Variants in ZNF208 observed in about 807,000 individuals in gnomAD.
ZNF208 encodes zinc finger protein 95.
ZNF208 carries 10 observed loss-of-function variants against 12.1 expected under a neutral mutation model. That is an observed-to-expected ratio of 0.83 (90% CI 0.51 to 1.40). The LOEUF is 1.40. Among genes scored for constraint, ZNF208 ranks in the 40% most tolerant of loss-of-function variants. The pLI, the probability that ZNF208 is intolerant of heterozygous loss-of-function variation, is 0.00. For synonymous variants in ZNF208, 497 were observed against 488.4 expected (o/e 1.02, Z -0.23); for missense variants, 1,652 against 1,485.0 (o/e 1.11, Z -1.85).
chr19:21,985,241 C>G (rs1011071665), intron 3 of ZNF208, among the ~76,000 whole-genome samples: 3 of 152,086 alleles, frequency 2.0e-5, no homozygotes, highest in African/African-American at 7.2e-5. Flanking sequence ...TTGCTTAACC[C>G]CCAACAGCAA....
In ZNF208 at chr19:21,968,322, G is replaced by C. The variant is rs1970208982; in HGVS notation, c.*2869C>G. Reference sequence around the variant, plus strand: ...AATGCTTCCAGTTTTTGCTCTTTTAGTATGATGTTGGCTAAGGATTTGTCA... The same window carrying C: ...AATGCTTCCAGTTTTTGCTCTTTTACTATGATGTTGGCTAAGGATTTGTCA... On this transcript the variant is annotated 3_prime_UTR_variant, in exon 4 of 4. Coordinates refer to ENST00000397126, the MANE Select transcript of ZNF208 (RefSeq NM_007153.3). The C allele has an allele frequency of 6.6e-6, 1 of 151,932 alleles. No homozygotes were observed. The highest frequency in any genetic ancestry group is 6.6e-5 in the Admixed American group (1 of 15,238). 9.4% of individuals were successfully genotyped at this position (151,932 alleles called of 1,614,324 possible). A position where few individuals can be genotyped will look rare whatever the true frequency, so the allele number is the denominator to read the frequency against.
intron 2 of ZNF208, among the ~76,000 whole-genome samples, chr19:21,988,408 T>A (rs1400982432): frequency 6.6e-6 from 1 of 152,104 alleles, no homozygotes; most frequent in Non-Finnish European, 1.5e-5. Context: ...TGGGCAAACT[T>A]GCTTCTGCTC....
At chr19:21,957,040 T>C (rs981947307) in intron 4 of ZNF208, among the ~76,000 whole-genome samples, 12 of 151,926 alleles carry the variant, frequency 7.9e-5, no homozygotes, top group Non-Finnish European at 1.8e-4. Context: ...AAAATCCATT[T>C]TCTATTTTTG....
intron 3 of ZNF208, 129 bp from the exon 4 acceptor site, chr19:21,974,936 A>C: frequency 6.2e-6 from 7 of 1,121,092 alleles, no homozygotes; most frequent in Non-Finnish European, 6.0e-6. Flanking sequence ...ACAGGCCCTA[A>C]TTCTTCATAG....
rs201532091 is a variant in ZNF208 at position 21,995,412 on chromosome 19, AC to A, written c.4-6504del. On this transcript the variant is annotated intron_variant, in intron 1 of 3. Transcript: ENST00000397126. ...TTCTTGTATAACGGGTGAAACAAAC[AC>A]GAGATGACTCATTTCTCTCACACTG... Among the ~76,000 whole-genome samples, 18 of 152,266 alleles carry A rather than the reference AC, an allele frequency of 1.2e-4. No individual in the cohort carries two copies. In the East Asian group the frequency reaches 3.3e-3, roughly 28 times the overall value.
intron 1 of ZNF208, among the ~76,000 whole-genome samples, chr19:21,999,014 ATTTTATAGCAT>A (rs1411054224): frequency 6.8e-6 from 1 of 146,228 alleles, no homozygotes; most frequent in African/African-American, 2.8e-5. Context: ...TTATGCTATA[ATTTTATAGCAT>A]AATTTTATGC....
chr19:21,953,748 A>T (rs898518278), intron 4 of ZNF208, among the ~76,000 whole-genome samples: 3 of 152,018 alleles, frequency 2.0e-5, no homozygotes, highest in Non-Finnish European at 4.4e-5. Flanking sequence ...GAAACCATCA[A>T]TTATCAGGCA....
At position 22,008,163 on chromosome 19, in the gene ZNF208, T is replaced by G. The variant is rs8111955; in HGVS notation, c.3+2629A>C. 6.6e-5 allele frequency among the ~76,000 whole-genome samples: 10 copies of G among 150,832 alleles called. No individual in the cohort carries two copies. In the East Asian group the frequency reaches 2.0e-3, roughly 29 times the overall value. On this transcript the variant is annotated intron_variant, in intron 1 of 3. Coordinates refer to ENST00000397126, the MANE Select transcript of ZNF208 (RefSeq NM_007153.3). Reference sequence around the variant, plus strand: ...ACCACAAATACAAAAATTAGCCGGGTGTGGTGGTGCACACCTGTAGTCCCA... The same window carrying G: ...ACCACAAATACAAAAATTAGCCGGGGGTGGTGGTGCACACCTGTAGTCCCA...
chr19:21,969,747 A>G lies in ZNF208; in HGVS notation c.*1444T>C, dbSNP rs1232040209. Among the ~76,000 whole-genome samples the G allele has an allele frequency of 1.4e-5, 1 of 69,212 alleles. No individual in the cohort carries two copies. Among genetic ancestry groups the G allele is most frequent in the African/African-American group, 3.4e-5 (1 of 29,480 alleles). The allele number at this position is 69,212 out of a possible 152,430, so 45.4% of individuals were successfully genotyped here. ...CAAGTACATGTACTACAACCCTCTT[A>G]ATATTTATAATGTGTTTCCTCAAAA... On this transcript the variant is annotated 3_prime_UTR_variant, in exon 4 of 4. Transcript: ENST00000397126.
At chr19:21,974,873 C>A in intron 3 of ZNF208, 66 bp from the exon 4 acceptor site, 1 of 1,436,632 alleles carries the variant, frequency 7.0e-7, no homozygotes, top group South Asian at 1.6e-5. Flanking sequence ...GTTTCTAAAT[C>A]TAAACTATAA....
chr19:21,971,858 C>T lies in ZNF208; in HGVS notation c.3176G>A (p.Cys1059Tyr), dbSNP rs750325706. Residue 1059 changes from cysteine to tyrosine, a missense_variant, in exon 4 of 4, where the codon TGT becomes TAT. Cys to Tyr is a radical substitution (Grantham distance 194, BLOSUM62 -2). Around this residue, in one of 3 missense-constraint regions of ZNF208, gnomAD observed 1,239 missense variants for 1,086.2 expected, o/e 1.14. Transcript: ENST00000397126. Reference sequence around the variant, plus strand: ...GCTGAAGGCTTTGCCACATTCTTCACATTTGTAGGGTTTTTCTCCAGCATG... The same window carrying T: ...GCTGAAGGCTTTGCCACATTCTTCATATTTGTAGGGTTTTTCTCCAGCATG... The part of the protein sequence containing the change: ...ATHAGEKPYK[C>Y]EECGKAFSWP... 6.8e-5 allele frequency: 109 copies of T among 1,612,984 alleles called. No homozygotes were observed. The highest frequency in any genetic ancestry group is 9.0e-5 in the Non-Finnish European group (106 of 1,179,606).
At chr19:21,989,050 C>T in intron 1 of ZNF208, 141 bp from the exon 2 acceptor site, 1 of 1,154,194 alleles carries the variant, frequency 8.7e-7, no homozygotes, top group African/African-American at 1.6e-5. Flanking sequence ...TAATTTTTAA[C>T]ACAAATATTC....
chr19:21,948,927 CT>C (rs1349989890), intron 4 of ZNF208, among the ~76,000 whole-genome samples: 1 of 152,120 alleles, frequency 6.6e-6, no homozygotes, highest in Admixed American at 6.5e-5. Flanking sequence ...AATTGGAGTC[CT>C]TGTGATCCTA....
chr19:21,945,465 T>C (rs1243456709), intron 4 of ZNF208, among the ~76,000 whole-genome samples: 3 of 152,098 alleles, frequency 2.0e-5, no homozygotes, highest in Non-Finnish European at 2.9e-5. Context: ...GTTATCAACA[T>C]TTTTTCTCTT....
chr19:21,946,788 T>C (rs1241498663), intron 4 of ZNF208, among the ~76,000 whole-genome samples: 1 of 152,126 alleles, frequency 6.6e-6, no homozygotes, highest in Non-Finnish European at 1.5e-5. Flanking sequence ...CCAGTTTCCT[T>C]TCACGAAGGG....
intron 4 of ZNF208, among the ~76,000 whole-genome samples, chr19:21,959,750 A>G (rs1970034547): frequency 2.0e-5 from 3 of 152,238 alleles, no homozygotes; most frequent in African/African-American, 7.2e-5. Context: ...TAGAATAAAA[A>G]TGATGCAGTT....
intron 1 of ZNF208, among the ~76,000 whole-genome samples, chr19:22,000,115 G>A (rs991849446): frequency 5.3e-5 from 8 of 152,158 alleles, no homozygotes; most frequent in Non-Finnish European, 1.5e-5. Context: ...GTAATAATCG[G>A]AGACTACATC....
intron 4 of ZNF208, among the ~76,000 whole-genome samples, chr19:21,957,841 T>C (rs768910667): frequency 1.3e-5 from 2 of 149,580 alleles, no homozygotes; most frequent in Non-Finnish European, 2.9e-5. Context: ...TATTTTATTT[T>C]ATTATTATTA....
chr19:21,958,615 A>G (rs1287452911), intron 4 of ZNF208, among the ~76,000 whole-genome samples: 1 of 152,082 alleles, frequency 6.6e-6, no homozygotes, highest in African/African-American at 2.4e-5. Context: ...CATGTCCTCT[A>G]CTAAACCAGA....
Sources: gnomAD v4.1 joint callset for allele counts (sites outside exome capture counted in the v4.1 genomes callset) on GRCh38, gnomAD v4.1.1 for gene constraint, gnomAD v4.1.1 regional missense constraint, MANE v1.5 for transcripts, NCBI Gene and HGNC (gene_info 2026-07-23, HGNC 2026-07-21) for gene names.